The following SYT10 variants were observed in gnomAD, a reference collection of about 807,000 sequenced individuals.
The protein encoded by SYT10 is synaptotagmin 10.
In SYT10, 31 loss-of-function variants were observed where a neutral mutation model predicts 51.1. The ratio of observed to expected loss-of-function variants is 0.61; its 90% confidence interval spans 0.46 to 0.82. The LOEUF (loss-of-function observed/expected upper bound fraction) is 0.82. Among genes scored for constraint, SYT10 ranks in the 40% least tolerant of loss-of-function variants. The probability of loss-of-function intolerance (pLI) is 0.00; values close to 1 mark genes in which losing one functional copy is unlikely to be tolerated. For missense variants in SYT10, 603 were observed against 634.0 expected (o/e 0.95, Z 0.53); for synonymous variants, 233 against 225.9 (o/e 1.03, Z -0.28).
chr12:33,398,235 C>T (rs867345878), intron 3 of SYT10, among the ~76,000 whole-genome samples: 6 of 152,198 alleles, frequency 3.9e-5, no homozygotes, highest in East Asian at 1.9e-4. Context: ...AGTATCAGGC[C>T]GGGCGCGGTG....
chr12:33,390,147 A>G (rs901155346), intron 3 of SYT10, among the ~76,000 whole-genome samples: 2 of 152,238 alleles, frequency 1.3e-5, no homozygotes, highest in African/African-American at 4.8e-5. Context: ...TTTGTTTGCT[A>G]TAGTCCTGGC....
intron 2 of SYT10, among the ~76,000 whole-genome samples, chr12:33,417,327 TAAG>T (rs1866463036): frequency 6.6e-6 from 1 of 150,926 alleles, no homozygotes; most frequent in Non-Finnish European, 1.5e-5. Flanking sequence ...GCTGGCTTTA[TAAG>T]AAGAGGAAGA....
At chr12:33,436,340 C>T (rs774502623) in intron 1 of SYT10, among the ~76,000 whole-genome samples, 1 of 151,998 alleles carries the variant, frequency 6.6e-6, no homozygotes, top group Non-Finnish European at 1.5e-5. Flanking sequence ...ATATCTATTT[C>T]GGGAGAAAGA....
chr12:33,379,934 CA>C lies in SYT10; in HGVS notation c.1397del (p.Val466GlyfsTer27), dbSNP rs758904405. 1 of 1,613,870 alleles carries C rather than the reference CA, an allele frequency of 6.2e-7. No individual in the cohort carries two copies. The highest frequency in any genetic ancestry group is 1.1e-5 in the South Asian group (1 of 91,078). On this transcript the variant is annotated frameshift_variant, in exon 6 of 7. Coordinates refer to ENST00000228567, the MANE Select transcript of SYT10 (RefSeq NM_198992.4). LOFTEE classifies it high-confidence loss of function. Reference sequence around the variant, plus strand: ...CCTCAGCATCCAGTCCTGTTCTGCACACTCCTATGACCTCATTGTGTCCTAC... The same window carrying C: ...CCTCAGCATCCAGTCCTGTTCTGCACCTCCTATGACCTCATTGTGTCCTAC... ...DRVGHNEVIG[V>X]CRTGLDAEGL...
Position 33,382,487 on chromosome 12 carries a change from C to T in SYT10, c.1232G>A (p.Gly411Asp), listed in dbSNP as rs1251003302. 1 of 1,612,542 alleles carries T rather than the reference C, an allele frequency of 6.2e-7. No individual in the cohort carries two copies. Residue 411 changes from glycine to aspartate, a missense_variant, in exon 5 of 7, where the codon GGT (glycine) becomes GAT (aspartate). Gly to Asp is a moderately conservative substitution (Grantham distance 94, BLOSUM62 -1). Coordinates refer to ENST00000228567, the MANE Select transcript of SYT10 (RefSeq NM_198992.4). ...PYVKVSLMCEGRRLKKRKTTT... is the reference protein window; with the variant it reads ...PYVKVSLMCEDRRLKKRKTTT... ...TGTTTTCCTCTTTTTTAATCTTCGA[C>T]CTTCACACATCAGGGACACTTTGAC...
chr12:33,382,686 A>G (rs1414969504), intron 4 of SYT10, among the ~76,000 whole-genome samples, 166 bp from the exon 5 acceptor site: 2 of 152,210 alleles, frequency 1.3e-5, no homozygotes, highest in African/African-American at 2.4e-5. Context: ...TAATTGTAGT[A>G]AGGTTAGTTT....
At chr12:33,412,726 G>T (rs1327508077) in intron 2 of SYT10, among the ~76,000 whole-genome samples, 3 of 152,092 alleles carry the variant, frequency 2.0e-5, no homozygotes, top group Admixed American at 6.5e-5. Context: ...AAACCACAAA[G>T]ATGGGGAAAA....
chr12:33,424,059 G>T (rs1866528722), intron 2 of SYT10: 1 of 453,472 alleles, frequency 2.2e-6, no homozygotes, highest in African/African-American at 2.0e-5. Flanking sequence ...TGATATAAAA[G>T]TTCTAGCAAA....
At chr12:33,377,632 T>TTC (rs201280525) in intron 6 of SYT10, among the ~76,000 whole-genome samples, 38 of 124,794 alleles carry the variant, frequency 3.0e-4, no homozygotes, top group African/African-American at 3.9e-4. Flanking sequence ...TCTTTTTCTT[T>TTC]TTTTTTTTTT....
At chr12:33,424,541 A>G (rs899648066) in intron 2 of SYT10, among the ~76,000 whole-genome samples, 6 of 152,236 alleles carry the variant, frequency 3.9e-5, no homozygotes, top group Admixed American at 6.5e-5. Context: ...ATATGTGGCC[A>G]AAGTTTTCCG....
At chr12:33,420,235 C>A (rs1866490520) in intron 2 of SYT10, among the ~76,000 whole-genome samples, 1 of 152,132 alleles carries the variant, frequency 6.6e-6, no homozygotes, top group African/African-American at 2.4e-5. Flanking sequence ...AAATTGTGGT[C>A]TTTATTATGG....
intron 4 of SYT10, among the ~76,000 whole-genome samples, chr12:33,384,841 G>A (rs1866143697): frequency 6.6e-6 from 1 of 152,136 alleles, no homozygotes; most frequent in Non-Finnish European, 1.5e-5. Context: ...CATCGCTTAA[G>A]CCTAAGAATC....
chr12:33,422,289 G>A (rs541026360), intron 2 of SYT10, among the ~76,000 whole-genome samples: 1 of 151,990 alleles, frequency 6.6e-6, no homozygotes, highest in East Asian at 1.9e-4. Context: ...GCCACTTAAT[G>A]TTTTTTTACA....
intron 6 of SYT10, among the ~76,000 whole-genome samples, chr12:33,377,251 C>T (rs1035446386): frequency 6.6e-6 from 1 of 152,346 alleles, no homozygotes; most frequent in East Asian, 1.9e-4. Context: ...CGGCTCACTG[C>T]AACCTCTGCC....
chr12:33,406,860 C>T lies in SYT10; in HGVS notation c.1006G>A (p.Asp336Asn). The T allele has an allele frequency of 6.2e-7, 1 of 1,613,982 alleles. No individual in the cohort carries two copies. Among genetic ancestry groups the T allele is most frequent in the African/African-American group, 1.3e-5 (1 of 75,018 alleles). Reference sequence around the variant, plus strand: ...AGATCAGAGACTTCAAACAAATTATCAAGAATCACTTCCCCAATCATGTCA... The same window carrying T: ...AGATCAGAGACTTCAAACAAATTATTAAGAATCACTTCCCCAATCATGTCA... ...RHDMIGEVIL[D>N]NLFEVSDLSR... is the part of the protein sequence containing the mutation. Residue 336 changes from aspartate (D) to asparagine (N), a missense_variant, in exon 3 of 7, where the codon GAT becomes AAT. Coordinates refer to ENST00000228567, the MANE Select transcript of SYT10 (RefSeq NM_198992.4).
intron 2 of SYT10, among the ~76,000 whole-genome samples, chr12:33,417,730 A>G (rs1298205144): frequency 6.6e-6 from 1 of 152,220 alleles, no homozygotes; most frequent in Non-Finnish European, 1.5e-5. Flanking sequence ...GAGATGACAG[A>G]GCAATGAATT....
intron 2 of SYT10, 133 bp downstream of exon 2, chr12:33,426,005 T>G: frequency 1.1e-6 from 1 of 883,370 alleles, no homozygotes; most frequent in East Asian, 2.5e-5. Flanking sequence ...CCTATGTCTT[T>G]CCCATTTCTC....
At chr12:33,416,765 T>C (rs1205510783) in intron 2 of SYT10, among the ~76,000 whole-genome samples, 1 of 152,130 alleles carries the variant, frequency 6.6e-6, no homozygotes, top group Non-Finnish European at 1.5e-5. Flanking sequence ...TCCTTTAAGA[T>C]AGAAGAAATA....
rs528861051 is a variant in SYT10 at position 33,396,268 on chromosome 12, G to A, written c.1077+10521C>T. Among the ~76,000 whole-genome samples the A allele has an allele frequency of 1.1e-3, 162 of 152,242 alleles. 2 individuals are homozygous for A. Among genetic ancestry groups the A allele is most frequent in the Non-Finnish European group, 1.6e-3 (107 of 68,010 alleles). On this transcript the variant is annotated intron_variant, in intron 3 of 6. Transcript: ENST00000228567. ...TTATTTATATACAATTATGTAATTT[G>A]GGTATTTGATTATTCAACCTGAAAG...
Sources: gnomAD v4.1 joint callset for allele counts (sites outside exome capture counted in the v4.1 genomes callset) on GRCh38, gnomAD v4.1.1 for gene constraint, MANE v1.5 for transcripts, NCBI Gene and HGNC (gene_info 2026-07-23, HGNC 2026-07-21) for gene names.